Variants in CACNA1C observed in about 807,000 individuals in gnomAD.
CACNA1C encodes voltage-dependent L-type calcium channel subunit alpha-1C.
In CACNA1C, 30 loss-of-function variants were observed where a neutral mutation model predicts 229.0. The ratio of observed to expected loss-of-function variants is 0.13; its 90% CI spans 0.10 to 0.18. The LOEUF is 0.18. CACNA1C is among the 10% of genes least tolerant of loss of function. The pLI, the probability that CACNA1C is intolerant of heterozygous loss-of-function variation, is 1.00. For synonymous variants in CACNA1C, 1,114 were observed against 1,132.5 expected (o/e 0.98, Z 0.33); for missense variants, 1,658 against 2,845.0 (o/e 0.58, Z 9.49).
chr12:2,018,856 CATTGGA>C (rs1429212676), intron 1 of CACNA1C, among the ~76,000 whole-genome samples: 7 of 152,162 alleles, frequency 4.6e-5, no homozygotes, highest in Non-Finnish European at 7.3e-5. Context: ...CTTACGATAA[CATTGGA>C]TTTTCTTTCC....
Position 2,674,598 on chromosome 12 carries a change from G to A in CACNA1C, c.4784G>A (p.Arg1595Gln), listed in dbSNP as rs1313283709. The part of the protein sequence containing the change: ...LRAIIKKIWK[R>Q]TSMKLLDQVV... ...GCGATCATCAAGAAGATCTGGAAGC[G>A]GACCAGCATGAAGCTGCTGGACCAG... Residue 1595 changes from arginine to glutamine, a missense_variant, in exon 39 of 47, where the codon CGG becomes CAG. Coordinates refer to ENST00000399655, the MANE Select transcript of CACNA1C (RefSeq NM_000719.7). The A allele has an allele frequency of 6.3e-7, 1 of 1,576,650 alleles. No homozygotes were observed. The highest frequency in any genetic ancestry group is 8.6e-7 in the Non-Finnish European group (1 of 1,160,732).
intron 3 of CACNA1C, among the ~76,000 whole-genome samples, chr12:2,441,609 T>C (rs1374499838): frequency 6.6e-6 from 1 of 152,162 alleles, no homozygotes; most frequent in Non-Finnish European, 1.5e-5. Flanking sequence ...TCCCTCGCCA[T>C]AGCATCTTGG....
chr12:2,146,258 G>A (rs1420477233), intron 3 of CACNA1C, among the ~76,000 whole-genome samples: 1 of 151,086 alleles, frequency 6.6e-6, no homozygotes, highest in African/African-American at 2.4e-5. Context: ...TGAGAGAAGG[G>A]ATAGAGGGCT....
In CACNA1C at chr12:2,630,621, A is replaced by G. The variant is rs2089936557; in HGVS notation, c.3829-3676A>G. Among the ~76,000 whole-genome samples, 1 of 152,158 alleles carries G rather than the reference A, an allele frequency of 6.6e-6. No homozygotes were observed. The highest frequency in any genetic ancestry group is 1.5e-5 in the Non-Finnish European group (1 of 68,012). ...AGGGGCTCTGGGCACCAAAGGCAGG[A>G]CGGTGGGAGGATGGGTCAGGGTGAA... On this transcript the variant is annotated intron_variant, in intron 29 of 46. Coordinates refer to ENST00000399655, the MANE Select transcript of CACNA1C (RefSeq NM_000719.7). The surrounding 1 kb of genome is among the most constrained non-coding windows in gnomAD (Gnocchi z 5.4).
At chr12:2,363,107 C>T (rs2097606202) in intron 3 of CACNA1C, among the ~76,000 whole-genome samples, 1 of 152,124 alleles carries the variant, frequency 6.6e-6, no homozygotes, top group Non-Finnish European at 1.5e-5. Flanking sequence ...CACAGTATGG[C>T]CCTCCAGAGG....
At chr12:2,282,026 T>C (rs2091433065) in intron 3 of CACNA1C, among the ~76,000 whole-genome samples, 1 of 152,182 alleles carries the variant, frequency 6.6e-6, no homozygotes, top group Non-Finnish European at 1.5e-5. Context: ...TTATGAATCT[T>C]CTCTTTTTTT....
At chr12:2,537,435 T>G (rs970207397) in intron 9 of CACNA1C, among the ~76,000 whole-genome samples, 1 of 152,142 alleles carries the variant, frequency 6.6e-6, no homozygotes, top group Non-Finnish European at 1.5e-5. Context: ...AGCTGGCATA[T>G]AGTGAGTGAT....
intron 18 of CACNA1C, among the ~76,000 whole-genome samples, chr12:2,587,701 T>C (rs751151938): frequency 1.3e-5 from 2 of 152,152 alleles, no homozygotes; most frequent in Non-Finnish European, 2.9e-5. Context: ...TGGGGGATGC[T>C]TACGCTTTCC....
chr12:2,304,421 C>T (rs2094841926), intron 3 of CACNA1C, among the ~76,000 whole-genome samples: 1 of 152,200 alleles, frequency 6.6e-6, no homozygotes, highest in African/African-American at 2.4e-5. Context: ...CACTGATATC[C>T]AACCCGGCAC....
In CACNA1C at chr12:2,691,231, T is replaced by C; in HGVS notation, c.*32T>C. Reference sequence around the variant, plus strand: ...CTGCCAGATGCGGGCTTTTTTTTATTTGTTTCAATGTTCCTAATGGGTTCG... The same window carrying C: ...CTGCCAGATGCGGGCTTTTTTTTATCTGTTTCAATGTTCCTAATGGGTTCG... On this transcript the variant is annotated 3_prime_UTR_variant, in exon 47 of 47. Transcript: ENST00000399655. 1 of 1,511,668 alleles carries C rather than the reference T, an allele frequency of 6.6e-7. No homozygotes were observed. The highest frequency in any genetic ancestry group is 1.4e-5 in the African/African-American group (1 of 71,632). The allele number at this position is 1,511,668 out of a possible 1,614,324, so 93.6% of individuals were successfully genotyped here.
At chr12:2,229,036 G>A (rs1371305694) in intron 3 of CACNA1C, among the ~76,000 whole-genome samples, 2 of 152,084 alleles carry the variant, frequency 1.3e-5, no homozygotes, top group Non-Finnish European at 2.9e-5. Context: ...CAGATGTATG[G>A]GCCCATTACT....
intron 1 of CACNA1C, among the ~76,000 whole-genome samples, chr12:2,065,000 A>C (rs532881815): frequency 2.6e-5 from 4 of 152,282 alleles, no homozygotes; most frequent in Admixed American, 6.5e-5. Context: ...AATGTACTTA[A>C]TTTAATCCAA....
At chr12:2,341,696 C>T (rs763495661) in intron 3 of CACNA1C, among the ~76,000 whole-genome samples, 4 of 152,236 alleles carry the variant, frequency 2.6e-5, no homozygotes, top group Non-Finnish European at 5.9e-5. Flanking sequence ...TCATCATCTC[C>T]TCTGACTTTT....
At chr12:2,524,463 A>G (rs901469759) in intron 9 of CACNA1C, among the ~76,000 whole-genome samples, 2 of 152,234 alleles carry the variant, frequency 1.3e-5, no homozygotes, top group African/African-American at 4.8e-5. Context: ...GCCTGCCCCA[A>G]GAAGGATTCA....
chr12:2,285,855 A>G lies in CACNA1C; in HGVS notation c.478-163121A>G, dbSNP rs1343050384. On this transcript the variant is annotated intron_variant, in intron 3 of 46. Transcript: ENST00000399655. This position sits in a 1 kb window ranked among gnomAD's most constrained non-coding sequence, Gnocchi z 4.2. ...ACGTTATATGTGCAAGGAATACCAC[A>G]TGGATGGTAAAGTTCAGCCGTTTTC... 6.6e-6 allele frequency among the ~76,000 whole-genome samples: 1 copy of G among 152,224 alleles called. No homozygotes were observed. Among genetic ancestry groups the G allele is most frequent in the African/African-American group, 2.4e-5 (1 of 41,454 alleles).
At chr12:2,556,471 C>G (rs2044349247) in intron 10 of CACNA1C, among the ~76,000 whole-genome samples, 1 of 152,176 alleles carries the variant, frequency 6.6e-6, no homozygotes, top group Non-Finnish European at 1.5e-5. Context: ...CTGTTGTGGC[C>G]CCTCCATTTC....
chr12:1,996,657 AACAAACT>A (rs2040979859), intron 1 of CACNA1C, among the ~76,000 whole-genome samples: 8 of 20,070 alleles, frequency 4.0e-4, no homozygotes, highest in African/African-American at 2.2e-3. Context: ...AAAAAAAAAC[AACAAACT>A]CTTCTAATGT....
intron 13 of CACNA1C, 100 bp from the exon 14 acceptor site, chr12:2,581,490 C>A: frequency 9.2e-7 from 1 of 1,092,030 alleles, no homozygotes; most frequent in Non-Finnish European, 1.3e-6. Flanking sequence ...CATAGAGTGG[C>A]AGCTCCTCTG....
chr12:2,620,257 TA>T (rs10714060), intron 29 of CACNA1C, among the ~76,000 whole-genome samples: 138,327 of 151,956 alleles, frequency 0.91, 64,401 homozygotes, highest in East Asian at 1. Flanking sequence ...GTATGCACCC[TA>T]ATACTGCTCT....
Sources: allele counts gnomAD v4.1 joint callset (sites outside exome capture counted in the v4.1 genomes callset), GRCh38; gene constraint gnomAD v4.1.1; non-coding constraint Gnocchi (gnomAD v3.1); transcripts MANE v1.5; gene names NCBI Gene and HGNC (gene_info 2026-07-23, HGNC 2026-07-21).